Variants in AFF3 observed in about 807,000 individuals in gnomAD.
AFF3 encodes AF4/FMR2 family member 3.
Under a neutral mutation model 129.7 loss-of-function variants are expected in AFF3, and 32 were observed. The ratio of observed to expected loss-of-function variants is 0.25; its 90% CI spans 0.19 to 0.33. The LOEUF is 0.33. Among genes scored for constraint, AFF3 ranks in the 10% least tolerant of loss-of-function variants. AFF3 has a pLI of 1.00. For synonymous variants in AFF3, 644 were observed against 635.4 expected (o/e 1.01, Z -0.20); for missense variants, 1,373 against 1,592.0 (o/e 0.86, Z 2.34).
chr2:99,753,361 A>G (rs1273189526), intron 8 of AFF3, among the ~76,000 whole-genome samples: 1 of 152,172 alleles, frequency 6.6e-6, no homozygotes, highest in East Asian at 1.9e-4. Context: ...TGGGCTCCCA[A>G]AGTGCTGGGA....
chr2:99,690,036 G>A (rs570699049), intron 11 of AFF3, among the ~76,000 whole-genome samples: 35 of 148,444 alleles, frequency 2.4e-4, no homozygotes, highest in Admixed American at 8.7e-4. Context: ...GCAGTGAGCC[G>A]AGATCACACG....
intron 15 of AFF3, among the ~76,000 whole-genome samples, chr2:99,591,497 G>A (rs546578685): frequency 3.6e-4 from 55 of 152,248 alleles, no homozygotes; most frequent in Non-Finnish European, 7.4e-5. Flanking sequence ...TGGTACTTTA[G>A]AATGAATTTC....
intron 7 of AFF3, among the ~76,000 whole-genome samples, chr2:99,896,704 C>T (rs566099042): frequency 4.8e-5 from 6 of 125,086 alleles, no homozygotes; most frequent in African/African-American, 1.6e-4. Context: ...GGCACGATCT[C>T]GGCTCACTGT....
intron 4 of AFF3, among the ~76,000 whole-genome samples, chr2:100,022,973 C>G (rs1467931387): frequency 6.6e-6 from 1 of 152,222 alleles, no homozygotes. Context: ...TCTCTGCCAA[C>G]TCAACATCAA....
chr2:99,847,193 T>C (rs1052697714), intron 7 of AFF3, among the ~76,000 whole-genome samples: 1 of 152,064 alleles, frequency 6.6e-6, no homozygotes, highest in Non-Finnish European at 1.5e-5. Flanking sequence ...TTCATTCTTT[T>C]TGAGACAGAG....
intron 4 of AFF3, among the ~76,000 whole-genome samples, chr2:100,100,633 C>G (rs1271137015): frequency 6.6e-6 from 1 of 152,188 alleles, no homozygotes; most frequent in African/African-American, 2.4e-5. Context: ...AATTTCCTCA[C>G]TTGACAATAA....
chr2:99,944,264 C>A (rs1351436257), intron 7 of AFF3, among the ~76,000 whole-genome samples: 1 of 152,204 alleles, frequency 6.6e-6, no homozygotes, highest in Non-Finnish European at 1.5e-5. Context: ...CTGCCTCACC[C>A]ACTTCTGTCT....
At chr2:100,013,280 G>A (rs1012512231) in intron 4 of AFF3, among the ~76,000 whole-genome samples, 4 of 152,104 alleles carry the variant, frequency 2.6e-5, no homozygotes, top group Non-Finnish European at 5.9e-5. Context: ...TTGATCATAC[G>A]GTAACAGCAT....
intron 13 of AFF3, among the ~76,000 whole-genome samples, chr2:99,629,494 T>A (rs1454688779): frequency 6.6e-6 from 1 of 152,142 alleles, no homozygotes; most frequent in Non-Finnish European, 1.5e-5. Flanking sequence ...AAAACACTGC[T>A]CAAAGCAATC....
In AFF3 at chr2:99,727,006, A is replaced by G. The variant is rs1036256314; in HGVS notation, c.1091+71T>C. The G allele has an allele frequency of 3.0e-6, 4 of 1,323,488 alleles. No homozygotes were observed. In the African/African-American group the frequency reaches 6.0e-5, roughly 20 times the overall value. The allele number at this position is 1,323,488 out of a possible 1,614,324, so 82.0% of individuals were successfully genotyped here. ...ATCATCATTATTACTATTACAAGAT[A>G]CTTGCACTATCTCATTTTATGAGGC... On this transcript the variant is annotated intron_variant, in intron 11 of 24. Coordinates refer to ENST00000672756, the MANE Select transcript of AFF3 (RefSeq NM_001386135.1).
chr2:99,852,294 A>G (rs1690206631), intron 7 of AFF3, among the ~76,000 whole-genome samples: 1 of 152,148 alleles, frequency 6.6e-6, no homozygotes, highest in Admixed American at 6.5e-5. Context: ...CCCCCAAAGA[A>G]GAGAAAAAAA....
chr2:99,649,924 G>T (rs1265654470), intron 12 of AFF3, among the ~76,000 whole-genome samples: 1 of 152,184 alleles, frequency 6.6e-6, no homozygotes, highest in Non-Finnish European at 1.5e-5. Context: ...GGGGGGCAAA[G>T]GACTGTACCC....
chr2:99,837,476 C>G lies in AFF3; in HGVS notation c.921+1G>C, dbSNP rs768425875. The G allele has an allele frequency of 6.2e-7, 1 of 1,612,578 alleles. No homozygotes were observed. Among genetic ancestry groups the G allele is most frequent in the Admixed American group, 1.7e-5 (1 of 60,000 alleles). Reference sequence around the variant, plus strand: ...TAAGACTGTTTAAAGAATAATCTTACCCGGATTATTTCTTCAACACAGCTG... The same window carrying G: ...TAAGACTGTTTAAAGAATAATCTTAGCCGGATTATTTCTTCAACACAGCTG... On this transcript the variant is annotated splice_donor_variant, in intron 8 of 24. Coordinates refer to ENST00000672756, the MANE Select transcript of AFF3 (RefSeq NM_001386135.1). LOFTEE classifies it high-confidence loss of function.
At position 100,071,519 on chromosome 2, in the gene AFF3, A is replaced by G. The variant is rs564316979; in HGVS notation, c.53+32883T>C. ...AAAGCAAGCATCCACTTTACCCACG[A>G]AACACGTCGGGAGAGAGGAAGTGTG... On this transcript the variant is annotated intron_variant, in intron 4 of 24. Coordinates refer to ENST00000672756, the MANE Select transcript of AFF3 (RefSeq NM_001386135.1). 1.6e-4 allele frequency among the ~76,000 whole-genome samples: 24 copies of G among 152,282 alleles called. No individual in the cohort carries two copies. The South Asian group carries it at 5.0e-3, about 32-fold the overall frequency.
At chr2:99,777,389 G>A (rs1683986797) in intron 8 of AFF3, among the ~76,000 whole-genome samples, 1 of 152,158 alleles carries the variant, frequency 6.6e-6, no homozygotes, top group Non-Finnish European at 1.5e-5. Flanking sequence ...TGATACCACA[G>A]TGGCTGGCGC....
At position 99,707,458 on chromosome 2, in the gene AFF3, G is replaced by A. The variant is rs566457746; in HGVS notation, c.1091+19619C>T. Reference sequence around the variant, plus strand: ...AGATAATTTTTTTGCATTTCAGCACGAGGCAAACAAACAAAAGGTTATCCA... The same window carrying A: ...AGATAATTTTTTTGCATTTCAGCACAAGGCAAACAAACAAAAGGTTATCCA... On this transcript the variant is annotated intron_variant, in intron 11 of 24. Coordinates refer to ENST00000672756, the MANE Select transcript of AFF3 (RefSeq NM_001386135.1). 121 of 985,190 alleles carry A rather than the reference G, an allele frequency of 1.2e-4. No homozygotes were observed. The South Asian group carries it at 4.7e-3, about 39-fold the overall frequency. 61.0% of individuals were successfully genotyped at this position (985,190 alleles called of 1,614,324 possible).
rs965798549 is a variant in AFF3, at chr2:99,636,760, T to C, written c.1184+12866A>G. Among the ~76,000 whole-genome samples the C allele has an allele frequency of 4.6e-5, 7 of 151,838 alleles. No homozygotes were observed. The East Asian group carries it at 1.4e-3, about 29-fold the overall frequency. ...CCGGGAGCCAGCACAGGAAAGGGAG[T>C]TGGACGGAGTCAGAAGGTCAGGCCG... is the stretch of plus-strand genomic sequence containing the variant. On this transcript the variant is annotated intron_variant, in intron 13 of 24. Coordinates refer to ENST00000672756, the MANE Select transcript of AFF3 (RefSeq NM_001386135.1).
At chr2:99,572,666 G>A (rs1193360906) in intron 18 of AFF3, 23 of 455,654 alleles carry the variant, frequency 5.0e-5, no homozygotes, top group East Asian at 4.2e-4. Context: ...TCTGCTATCC[G>A]ATATGTCAGC....
intron 2 of AFF3, among the ~76,000 whole-genome samples, chr2:100,122,783 G>C (rs1692032953): frequency 6.6e-6 from 1 of 152,186 alleles, no homozygotes; most frequent in Non-Finnish European, 1.5e-5. Flanking sequence ...AATCTTTAGA[G>C]ATTCACAATG....
Sources: gnomAD v4.1 joint callset for allele counts (sites outside exome capture counted in the v4.1 genomes callset) on GRCh38, gnomAD v4.1.1 for gene constraint, MANE v1.5 for transcripts, NCBI Gene and HGNC (gene_info 2026-07-23, HGNC 2026-07-21) for gene names.